Variants in RAB22A observed in about 807,000 individuals in gnomAD.
The protein encoded by RAB22A is ras-related protein Rab-22A.
In RAB22A, 13 loss-of-function variants were observed where a neutral mutation model predicts 30.2. The observed-to-expected ratio is 0.43, with a 90% CI of 0.28 to 0.68. The LOEUF is 0.68. RAB22A is among the 30% of genes least tolerant of loss of function. The probability of loss-of-function intolerance (pLI) is 0.18; values close to 1 mark genes in which losing one functional copy is unlikely to be tolerated. For synonymous variants in RAB22A, 89 were observed against 87.2 expected (o/e 1.02, Z -0.11); for missense variants, 177 against 246.8 (o/e 0.72, Z 1.89).
chr20:58,338,034 T>A (rs1354950687), intron 2 of RAB22A, among the ~76,000 whole-genome samples: 6 of 152,180 alleles, frequency 3.9e-5, no homozygotes, highest in African/African-American at 7.2e-5. Context: ...TATTTTTTTT[T>A]ATTTTTTTTT....
intron 2 of RAB22A, among the ~76,000 whole-genome samples, chr20:58,322,952 T>C (rs866340096): frequency 4.6e-5 from 7 of 152,246 alleles, no homozygotes; most frequent in African/African-American, 1.4e-4. Context: ...CTTGACCTGT[T>C]TCAATATAAA....
chr20:58,347,069 C>T (rs1381643297), intron 3 of RAB22A, among the ~76,000 whole-genome samples: 1 of 152,202 alleles, frequency 6.6e-6, no homozygotes, highest in Non-Finnish European at 1.5e-5. Context: ...TAGTGCATGA[C>T]TCAAATTATA....
intron 2 of RAB22A, among the ~76,000 whole-genome samples, chr20:58,335,174 T>TC (rs1326708167): frequency 1.3e-5 from 2 of 152,204 alleles, no homozygotes; most frequent in East Asian, 3.8e-4. Flanking sequence ...TTATTTGAAA[T>TC]CCAAGGACAG....
chr20:58,348,228 A>G (rs932696929), intron 3 of RAB22A, among the ~76,000 whole-genome samples: 1 of 151,368 alleles, frequency 6.6e-6, no homozygotes, highest in African/African-American at 2.4e-5. Flanking sequence ...CTCCATCTCA[A>G]AAAAAAAAAG....
At chr20:58,329,777 T>A (rs767497764) in intron 2 of RAB22A, among the ~76,000 whole-genome samples, 1 of 152,202 alleles carries the variant, frequency 6.6e-6, no homozygotes, top group Non-Finnish European at 1.5e-5. Flanking sequence ...TGAGTTTGTG[T>A]CCTTTTCCCT....
At chr20:58,321,051 G>C (rs563085499) in intron 2 of RAB22A, among the ~76,000 whole-genome samples, 16 of 151,960 alleles carry the variant, frequency 1.1e-4, no homozygotes, top group Non-Finnish European at 1.8e-4. Context: ...TTAGCTGGGC[G>C]TGGTGGCACA....
intron 2 of RAB22A, among the ~76,000 whole-genome samples, chr20:58,324,015 T>C (rs1986509553): frequency 6.6e-6 from 1 of 152,192 alleles, no homozygotes; most frequent in African/African-American, 2.4e-5. Context: ...TTTATGTATG[T>C]TTATAAATGG....
At chr20:58,352,139 CAG>C (rs1471022438) in intron 3 of RAB22A, among the ~76,000 whole-genome samples, 4 of 152,080 alleles carry the variant, frequency 2.6e-5, no homozygotes, top group Admixed American at 2.6e-4. Flanking sequence ...GATATTCACA[CAG>C]ATATATACAT....
intron 2 of RAB22A, among the ~76,000 whole-genome samples, chr20:58,317,739 T>C (rs1419935540): frequency 6.6e-6 from 1 of 151,848 alleles, no homozygotes; most frequent in Non-Finnish European, 1.5e-5. Context: ...TTTGTATTTT[T>C]AGTAGAGACG....
At chr20:58,327,671 A>C (rs1181330705) in intron 2 of RAB22A, among the ~76,000 whole-genome samples, 1 of 152,206 alleles carries the variant, frequency 6.6e-6, no homozygotes, top group Non-Finnish European at 1.5e-5. Flanking sequence ...GTAGGGAATA[A>C]CCTCCATGCT....
At position 58,359,693 on chromosome 20, in the gene RAB22A, G is replaced by A. The variant is rs1005309764; in HGVS notation, c.575G>A (p.Ser192Asn). 6 of 1,609,608 alleles carry A rather than the reference G, an allele frequency of 3.7e-6. No homozygotes were observed. In the African/African-American group the frequency reaches 5.3e-5, roughly 14 times the overall value. Reference sequence around the variant, plus strand: ...AGACAGCCTTCAGAGCCAAAGCGGAGCTGCTGCTGACCGAACCTCAGCCTC... The same window carrying A: ...AGACAGCCTTCAGAGCCAAAGCGGAACTGCTGCTGACCGAACCTCAGCCTC... ...LRRQPSEPKR[S>N]CC Residue 192 changes from serine (S) to asparagine (N), a missense_variant, in exon 7 of 7, where the codon AGC (serine) becomes AAC (asparagine). By Grantham distance (46) the Ser-to-Asn change is conservative. Coordinates refer to ENST00000244040, the MANE Select transcript of RAB22A (RefSeq NM_020673.3).
chr20:58,336,186 A>C (rs1159121614), intron 2 of RAB22A, among the ~76,000 whole-genome samples: 1 of 151,814 alleles, frequency 6.6e-6, no homozygotes, highest in East Asian at 1.9e-4. Context: ...ATTTTTTTGT[A>C]TTTTTAGTAG....
Position 58,359,810 on chromosome 20 carries a change from C to G in RAB22A, c.*107C>G. 1 of 930,276 alleles carries G rather than the reference C, an allele frequency of 1.1e-6. No individual in the cohort carries two copies. Among genetic ancestry groups the G allele is most frequent in the African/African-American group, 1.7e-5 (1 of 59,808 alleles). 57.6% of individuals were successfully genotyped at this position (930,276 alleles called of 1,614,324 possible). A position where few individuals can be genotyped will look rare whatever the true frequency, so the allele number is the denominator to read the frequency against. ...TTTCACCTAGCCAGTCTTGAGTCTT[C>G]TCCGTGCAAAAAGGATTCACAGAAA... On this transcript the variant is annotated 3_prime_UTR_variant, in exon 7 of 7. Transcript: ENST00000244040.
Position 58,363,276 on chromosome 20 carries a change from C to G in RAB22A, c.*3573C>G, listed in dbSNP as rs1987259489. 1 of 152,170 alleles carries G rather than the reference C, an allele frequency of 6.6e-6. No homozygotes were observed. The highest frequency in any genetic ancestry group is 1.5e-5 in the Non-Finnish European group (1 of 68,018). 9.4% of individuals were successfully genotyped at this position (152,170 alleles called of 1,614,324 possible). A position where few individuals can be genotyped will look rare whatever the true frequency, so the allele number is the denominator to read the frequency against. On this transcript the variant is annotated 3_prime_UTR_variant, in exon 7 of 7. Transcript: ENST00000244040. Reference sequence around the variant, plus strand: ...GTTACAGAATTCTTTTTGGTACTTTCACTTATTCTTTCAGAATACATCAAG... The same window carrying G: ...GTTACAGAATTCTTTTTGGTACTTTGACTTATTCTTTCAGAATACATCAAG...
chr20:58,355,233 C>T (rs987152118), intron 6 of RAB22A, among the ~76,000 whole-genome samples: 5 of 152,124 alleles, frequency 3.3e-5, no homozygotes, highest in African/African-American at 1.2e-4. Flanking sequence ...CTCCAGAGCC[C>T]ACCAAGGCCA....
chr20:58,340,874 G>A (rs1986843525), intron 2 of RAB22A, among the ~76,000 whole-genome samples: 1 of 152,162 alleles, frequency 6.6e-6, no homozygotes, highest in African/African-American at 2.4e-5. Context: ...CTGGCCAGGG[G>A]AGAGCCAGTG....
In RAB22A at chr20:58,359,593, C is replaced by A; in HGVS notation, c.488-13C>A. 2 of 1,575,690 alleles carry A rather than the reference C, an allele frequency of 1.3e-6. No homozygotes were observed. The highest frequency in any genetic ancestry group is 2.2e-5 in the South Asian group (2 of 89,710). On this transcript the variant is annotated splice_polypyrimidine_tract_variant and intron_variant, in intron 6 of 6. Transcript: ENST00000244040. ...TAAAGCTCACTCCCTTCCCTTTTCTCATCTTGGTTTAGGTCGAAGAATTCC... is the reference window on the plus strand; with the variant it reads ...TAAAGCTCACTCCCTTCCCTTTTCTAATCTTGGTTTAGGTCGAAGAATTCC...
At chr20:58,350,771 A>C (rs1397523263) in intron 3 of RAB22A, among the ~76,000 whole-genome samples, 1 of 152,246 alleles carries the variant, frequency 6.6e-6, no homozygotes, top group Non-Finnish European at 1.5e-5. Context: ...TTCACACTAA[A>C]GGAAAATGAC....
chr20:58,351,193 C>T (rs1015635747), intron 3 of RAB22A, among the ~76,000 whole-genome samples: 25 of 151,836 alleles, frequency 1.6e-4, no homozygotes, highest in African/African-American at 5.1e-4. Context: ...AAAAGTTAGC[C>T]GGGCATGGTG....
Sources: allele counts gnomAD v4.1 joint callset (sites outside exome capture counted in the v4.1 genomes callset), GRCh38; gene constraint gnomAD v4.1.1; transcripts MANE v1.5; gene names NCBI Gene and HGNC (gene_info 2026-07-23, HGNC 2026-07-21).